Variants in NALF1 observed in about 807,000 individuals in gnomAD.
NALF1 encodes the protein family with sequence similarity 155 member A.
A neutral mutation model predicts 48.4 loss-of-function variants in NALF1; 3 were observed. That is an observed-to-expected ratio of 0.06 (90% confidence interval 0.03 to 0.16). The LOEUF (loss-of-function observed/expected upper bound fraction) is 0.16. Among genes scored for constraint, NALF1 ranks in the 10% least tolerant of loss-of-function variants. The pLI is 1.00. For missense variants in NALF1, 526 were observed against 571.5 expected (o/e 0.92, Z 0.81); for synonymous variants, 262 against 245.7 (o/e 1.07, Z -0.62).
At chr13:107,506,199 C>A (rs770722901) in intron 1 of NALF1, among the ~76,000 whole-genome samples, 6 of 151,896 alleles carry the variant, frequency 4.0e-5, no homozygotes, top group Non-Finnish European at 8.8e-5. Context: ...CATGAGGATG[C>A]TGTATATGAG....
At chr13:107,380,372 T>C (rs1328690681) in intron 1 of NALF1, among the ~76,000 whole-genome samples, 1 of 152,186 alleles carries the variant, frequency 6.6e-6, no homozygotes, top group East Asian at 1.9e-4. Context: ...ATACAAATTG[T>C]CTTGAGAAAC....
chr13:107,520,370 C>T (rs575483350), intron 1 of NALF1, among the ~76,000 whole-genome samples: 1 of 152,244 alleles, frequency 6.6e-6, no homozygotes, highest in South Asian at 2.1e-4. Context: ...CTCAGTGTAT[C>T]TTCACAGTAA....
chr13:107,353,372 A>G (rs1279265400), intron 1 of NALF1, among the ~76,000 whole-genome samples: 7 of 152,168 alleles, frequency 4.6e-5, no homozygotes, highest in Admixed American at 4.6e-4. Context: ...TTCTAAATAT[A>G]AATTTTGGGG....
chr13:107,365,910 T>C (rs568091830), intron 1 of NALF1, among the ~76,000 whole-genome samples: 1 of 152,298 alleles, frequency 6.6e-6, no homozygotes, highest in South Asian at 2.1e-4. Context: ...ACCTTGCTGT[T>C]TTAGGTTAGA....
chr13:107,206,189 G>A (rs4418922), intron 2 of NALF1, among the ~76,000 whole-genome samples: 4 of 152,014 alleles, frequency 2.6e-5, no homozygotes, highest in Admixed American at 1.3e-4. Context: ...CTTTAGTCAC[G>A]TGTCAGTTTT....
At chr13:107,605,495 T>A (rs368484653) in intron 1 of NALF1, among the ~76,000 whole-genome samples, 201 of 151,702 alleles carry the variant, frequency 1.3e-3, no homozygotes, top group African/African-American at 4.6e-3. Flanking sequence ...TAGCATATTA[T>A]CATGTTTTTG....
intron 1 of NALF1, among the ~76,000 whole-genome samples, chr13:107,404,827 C>T (rs1883872289): frequency 6.6e-6 from 1 of 151,990 alleles, no homozygotes; most frequent in Non-Finnish European, 1.5e-5. Flanking sequence ...AAGTCTTTTA[C>T]AATGAGAGTA....
chr13:107,611,606 G>A (rs1032681967), intron 1 of NALF1, among the ~76,000 whole-genome samples: 2 of 152,152 alleles, frequency 1.3e-5, no homozygotes, highest in African/African-American at 2.4e-5. Flanking sequence ...TGGGTTGAGT[G>A]CAGTGGCTCA....
At chr13:107,520,975 C>T (rs1876218330) in intron 1 of NALF1, among the ~76,000 whole-genome samples, 1 of 152,132 alleles carries the variant, frequency 6.6e-6, no homozygotes, top group Non-Finnish European at 1.5e-5. Flanking sequence ...CTATGCTTTA[C>T]ACTGTATATT....
At chr13:107,506,561 C>T (rs930584156) in intron 1 of NALF1, among the ~76,000 whole-genome samples, 15 of 147,038 alleles carry the variant, frequency 1.0e-4, no homozygotes, top group African/African-American at 3.8e-4. Context: ...AGTCACCTAC[C>T]CCAGCTCAAG....
chr13:107,465,489 C>G (rs1594077223), intron 1 of NALF1, among the ~76,000 whole-genome samples: 1 of 152,138 alleles, frequency 6.6e-6, no homozygotes. Context: ...CTCTATCACA[C>G]AAGATTCTGA....
intron 1 of NALF1, among the ~76,000 whole-genome samples, chr13:107,827,018 G>A (rs1272592960): frequency 3.9e-5 from 6 of 152,144 alleles, no homozygotes; most frequent in Admixed American, 1.3e-4. Flanking sequence ...GCATGCCTTC[G>A]ACTACTGGTC....
chr13:107,701,579 C>G (rs955486677), intron 1 of NALF1, among the ~76,000 whole-genome samples: 1 of 151,844 alleles, frequency 6.6e-6, no homozygotes, highest in African/African-American at 2.4e-5. Context: ...GGTGGGGTCA[C>G]AGAAGAGGAA....
intron 1 of NALF1, among the ~76,000 whole-genome samples, chr13:107,418,046 A>G (rs143063962): frequency 9.2e-5 from 14 of 152,326 alleles, no homozygotes; most frequent in Admixed American, 2.6e-4. Context: ...GGGGTGACAG[A>G]GCAAGACTGT....
At chr13:107,814,427 T>C (rs2138609899) in intron 1 of NALF1, among the ~76,000 whole-genome samples, 1 of 152,286 alleles carries the variant, frequency 6.6e-6, no homozygotes, top group Non-Finnish European at 1.5e-5. Flanking sequence ...ATGCAGTATC[T>C]GCAGGAGACA....
At chr13:107,353,981 A>C (rs1367135373) in intron 1 of NALF1, among the ~76,000 whole-genome samples, 1 of 152,236 alleles carries the variant, frequency 6.6e-6, no homozygotes, top group Non-Finnish European at 1.5e-5. Context: ...TTTACTTCTC[A>C]TAACAACCTC....
chr13:107,447,905 T>C (rs1032343937), intron 1 of NALF1, among the ~76,000 whole-genome samples: 4 of 152,120 alleles, frequency 2.6e-5, no homozygotes, highest in Non-Finnish European at 5.9e-5. Flanking sequence ...GTCTATATCT[T>C]TGGAGGTAGT....
chr13:107,460,730 C>T (rs1884904312), intron 1 of NALF1, among the ~76,000 whole-genome samples: 1 of 152,130 alleles, frequency 6.6e-6, no homozygotes, highest in Non-Finnish European at 1.5e-5. Flanking sequence ...TACATAGTCA[C>T]TATCAATTTG....
At chr13:107,464,113 T>C (rs978274233) in intron 1 of NALF1, among the ~76,000 whole-genome samples, 1 of 152,136 alleles carries the variant, frequency 6.6e-6, no homozygotes, top group African/African-American at 2.4e-5. Context: ...TGGGTGAGAT[T>C]TCCAGCTCTA....
Sources: allele counts gnomAD v4.1 joint callset (sites outside exome capture counted in the v4.1 genomes callset), GRCh38; gene constraint gnomAD v4.1.1; transcripts MANE v1.5; gene names NCBI Gene and HGNC (gene_info 2026-07-23, HGNC 2026-07-21).